The following MKNK1 variants were observed in gnomAD, a reference collection of about 807,000 sequenced individuals.
MKNK1 encodes MAP kinase-interacting serine/threonine-protein kinase 1.
A neutral mutation model predicts 49.3 loss-of-function variants in MKNK1; 30 were observed. The ratio of observed to expected loss-of-function variants is 0.61; its 90% CI spans 0.46 to 0.83. The LOEUF is 0.83. Ranked by LOEUF, MKNK1 falls within the 40% of genes least tolerant of loss-of-function variation. The pLI is 0.00. For missense variants in MKNK1, 423 were observed against 524.7 expected (o/e 0.81, Z 1.89); for synonymous variants, 176 against 201.7 (o/e 0.87, Z 1.08).
intron 2 of MKNK1, among the ~76,000 whole-genome samples, chr1:46,590,763 T>G (rs190511127): frequency 7.2e-5 from 11 of 152,378 alleles, no homozygotes; most frequent in Non-Finnish European, 1.5e-4. Flanking sequence ...GATCCCCTCA[T>G]CAGGCCTCCA....
intron 7 of MKNK1, among the ~76,000 whole-genome samples, chr1:46,571,208 A>G (rs1302437985): frequency 6.6e-6 from 1 of 152,250 alleles, no homozygotes; most frequent in African/African-American, 2.4e-5. Flanking sequence ...CCTGTGAGTT[A>G]CCAATGTGCT....
intron 2 of MKNK1, among the ~76,000 whole-genome samples, chr1:46,592,621 CAG>C (rs1001248653): frequency 6.6e-6 from 1 of 152,106 alleles, no homozygotes; most frequent in African/African-American, 2.4e-5. Context: ...AGGCCTACAA[CAG>C]AGACAGGGAG....
At chr1:46,594,995 C>A in intron 1 of MKNK1, 1 of 207,630 alleles carries the variant, frequency 4.8e-6, no homozygotes, top group South Asian at 4.4e-5. Context: ...CTGCTATCCA[C>A]GTTTTTAGAG....
chr1:46,562,577 T>C, intron 10 of MKNK1, 72 bp downstream of exon 10: 1 of 1,479,278 alleles, frequency 6.8e-7, no homozygotes, highest in South Asian at 1.3e-5. Flanking sequence ...CCCAGCCCAG[T>C]CCTGCTTGGC....
chr1:46,570,671 A>G (rs1669961407), intron 7 of MKNK1, among the ~76,000 whole-genome samples: 1 of 152,262 alleles, frequency 6.6e-6, no homozygotes, highest in South Asian at 2.1e-4. Context: ...GGCAGACCTA[A>G]GTCACAAGTT....
At position 46,589,173 on chromosome 1, in the gene MKNK1, G is replaced by C. The variant is rs1025177739; in HGVS notation, c.-3+4940C>G. On this transcript the variant is annotated intron_variant, in intron 2 of 12. Transcript: ENST00000371945. The surrounding 1 kb of genome is among the most constrained non-coding windows in gnomAD (Gnocchi z 4.3). ...GATGGCGTTTAAATCTGCTGCTGAC[G>C]CTTAAAACAATTTCAACATAGTAGG... Among the ~76,000 whole-genome samples, 1 of 152,346 alleles carries C rather than the reference G, an allele frequency of 6.6e-6. No homozygotes were observed. The highest frequency in any genetic ancestry group is 1.9e-4 in the East Asian group (1 of 5,186).
At chr1:46,560,078 C>T (rs1410976602) in intron 12 of MKNK1, among the ~76,000 whole-genome samples, 156 bp downstream of exon 12, 1 of 151,978 alleles carries the variant, frequency 6.6e-6, no homozygotes, top group Non-Finnish European at 1.5e-5. Context: ...GGAGATAGAT[C>T]CAGAGTAGAG....
intron 5 of MKNK1, 191 bp downstream of exon 5, chr1:46,576,384 T>C (rs1252803183): frequency 3.5e-6 from 2 of 569,032 alleles, no homozygotes; most frequent in East Asian, 6.0e-5. Flanking sequence ...TCAGAAGAGA[T>C]AATAGCTCCT....
intron 11 of MKNK1, among the ~76,000 whole-genome samples, chr1:46,560,790 G>A (rs939427085): frequency 2.6e-5 from 4 of 152,166 alleles, no homozygotes; most frequent in Non-Finnish European, 5.9e-5. Context: ...GAATGAGCCA[G>A]TTAGACACTC....
rs1243405909 is a variant in MKNK1 at position 46,562,670 on chromosome 1, G to A, written c.783C>T (p.Gly261=). ...TCACCTGGCACACCCTGCAGACCTC[G>A]CCCCGGTCCCAGCCACAGTCGGCCC... is the stretch of plus-strand genomic sequence containing the variant. The part of the protein sequence containing the change: ...HCGADCGWDR[G]EVCRVCQNKL... The change falls in exon 10 of 13, where the codon GGC becomes GGT. Residue 261 remains glycine, a synonymous_variant. Coordinates refer to ENST00000371945, the MANE Select transcript of MKNK1 (RefSeq NM_001135553.4). The A allele has an allele frequency of 5.8e-6, 9 of 1,556,188 alleles. No homozygotes were observed. Among genetic ancestry groups the A allele is most frequent in the South Asian group, 1.2e-5 (1 of 84,604 alleles).
At chr1:46,571,134 A>G (rs1670048076) in intron 7 of MKNK1, among the ~76,000 whole-genome samples, 1 of 152,266 alleles carries the variant, frequency 6.6e-6, no homozygotes, top group African/African-American at 2.4e-5. Context: ...TCACTACAAA[A>G]GTTCCTGAAT....
intron 2 of MKNK1, among the ~76,000 whole-genome samples, chr1:46,592,287 T>G (rs927686719): frequency 6.6e-6 from 1 of 152,176 alleles, no homozygotes; most frequent in Non-Finnish European, 1.5e-5. Flanking sequence ...CAGTGGAGAA[T>G]ATAGTGGCTA....
At chr1:46,582,669 G>A (rs553720149) in intron 3 of MKNK1, 2 of 355,980 alleles carry the variant, frequency 5.6e-6, no homozygotes, top group South Asian at 4.2e-5. Flanking sequence ...CCCACACTGA[G>A]CCTAGTGCCT....
chr1:46,580,191 G>A (rs1671527890), intron 4 of MKNK1, among the ~76,000 whole-genome samples: 1 of 152,178 alleles, frequency 6.6e-6, no homozygotes, highest in Non-Finnish European at 1.5e-5. Flanking sequence ...AAATCTGGTT[G>A]TCCACTCCCT....
Position 46,576,594 on chromosome 1 carries a change from A to G in MKNK1, c.259T>C (p.Tyr87His), listed in dbSNP as rs759707488. ...ACTCACTTGTTTCCCTGACACTGAT[A>G]CAGCGTCTCCACCTCTCGAAACACC... is the stretch of plus-strand genomic sequence containing the variant. The part of the protein sequence containing the change: ...SRVFREVETL[Y>H]QCQGNKNILE... The change falls in exon 5 of 13, where the codon TAT (tyrosine) becomes CAT (histidine). Residue 87 changes from tyrosine to histidine, a missense_variant. Coordinates refer to ENST00000371945, the MANE Select transcript of MKNK1 (RefSeq NM_001135553.4). 36 of 1,613,930 alleles carry G rather than the reference A, an allele frequency of 2.2e-5. No homozygotes were observed. The highest frequency in any genetic ancestry group is 3.0e-5 in the Non-Finnish European group (35 of 1,179,858).
intron 2 of MKNK1, chr1:46,586,119 C>T (rs1672530950): frequency 8.1e-6 from 3 of 369,320 alleles, no homozygotes; most frequent in South Asian, 6.1e-5. Context: ...ACACTATTTT[C>T]ATCACAGAGT....
chr1:46,584,904 G>A (rs2148711015), intron 2 of MKNK1: 1 of 152,156 alleles, frequency 6.6e-6, no homozygotes, highest in East Asian at 1.9e-4. Flanking sequence ...CTCTAGCCAA[G>A]AGCTTCAAAC....
At chr1:46,568,263 G>A (rs779792731) in intron 8 of MKNK1, 180 bp downstream of exon 8, 19 of 611,024 alleles carry the variant, frequency 3.1e-5, no homozygotes, top group Non-Finnish European at 5.0e-5. Flanking sequence ...GATCAAGAGC[G>A]AAGAAAGGAC....
intron 5 of MKNK1, chr1:46,576,315 C>G (rs1670948495): frequency 2.7e-6 from 1 of 371,766 alleles, no homozygotes. Context: ...CCCCCAACAA[C>G]CACTGATTCA....
Sources: gnomAD v4.1 joint callset for allele counts (sites outside exome capture counted in the v4.1 genomes callset) on GRCh38, gnomAD v4.1.1 for gene constraint, Gnocchi (gnomAD v3.1) non-coding constraint, MANE v1.5 for transcripts, NCBI Gene and HGNC (gene_info 2026-07-23, HGNC 2026-07-21) for gene names.